The following MAP3K3 variants were observed in gnomAD, a reference collection of about 807,000 sequenced individuals.
The protein encoded by MAP3K3 is mitogen-activated protein kinase kinase kinase 3.
Under a neutral mutation model 80.9 loss-of-function variants are expected in MAP3K3, and 12 were observed. The ratio of observed to expected loss-of-function variants is 0.15; its 90% CI spans 0.10 to 0.24. The LOEUF is 0.24. Ranked by LOEUF, MAP3K3 falls within the 10% of genes least tolerant of loss-of-function variation. The pLI is 1.00. For missense variants in MAP3K3, 596 were observed against 834.7 expected, an observed-to-expected ratio of 0.71 and a Z score of 3.52; for synonymous variants, 272 against 307.1, an observed-to-expected ratio of 0.89 and a Z score of 1.19.
At chr17:63,629,777 CTT>C (rs766650976) in intron 1 of MAP3K3, among the ~76,000 whole-genome samples, 1 of 152,226 alleles carries the variant, frequency 6.6e-6, no homozygotes, top group East Asian at 1.9e-4. Context: ...CAGTGCCAAA[CTT>C]TTCCACTAGT....
intron 1 of MAP3K3, 137 bp from the exon 2 acceptor site, chr17:63,632,544 G>T: frequency 1.1e-6 from 1 of 898,662 alleles, no homozygotes; most frequent in Non-Finnish European, 1.7e-6. Flanking sequence ...TGACCTTTTG[G>T]GCTGCATCTG....
chr17:63,637,966 C>T (rs1238267601), intron 2 of MAP3K3, among the ~76,000 whole-genome samples: 5 of 152,260 alleles, frequency 3.3e-5, no homozygotes, highest in Non-Finnish European at 2.9e-5. Flanking sequence ...AAGAGAATTC[C>T]AGGATCTGTT....
chr17:63,693,436 C>T lies in MAP3K3; in HGVS notation c.1653-113C>T, dbSNP rs2035633369. ...CAAGCTGAGGTATCCCTCAGCTTGG[C>T]CTGTCCTGCACCTCAGCTTGCTGTG... On this transcript the variant is annotated intron_variant, in intron 15 of 15. Coordinates refer to ENST00000361733, the MANE Select transcript of MAP3K3 (RefSeq NM_002401.5). The surrounding 1 kb of genome is among the most constrained non-coding windows in gnomAD (Gnocchi z 4.2). The T allele has an allele frequency of 4.5e-6, 4 of 891,626 alleles. No homozygotes were observed. The South Asian group carries it at 6.6e-5, about 15-fold the overall frequency. 55.2% of individuals were successfully genotyped at this position (891,626 alleles called of 1,614,324 possible).
At chr17:63,641,037 C>T (rs2034431213) in intron 2 of MAP3K3, among the ~76,000 whole-genome samples, 1 of 152,148 alleles carries the variant, frequency 6.6e-6, no homozygotes, top group Non-Finnish European at 1.5e-5. Context: ...TTCTGAAACA[C>T]TTTTGGCCCC....
At chr17:63,680,230 A>G (rs746040426) in intron 6 of MAP3K3, among the ~76,000 whole-genome samples, 1 of 152,324 alleles carries the variant, frequency 6.6e-6, no homozygotes, top group African/African-American at 2.4e-5. Flanking sequence ...GAGGGATGGT[A>G]CTACTCTATT....
At chr17:63,633,759 G>T (rs1029223509) in intron 2 of MAP3K3, among the ~76,000 whole-genome samples, 2 of 152,310 alleles carry the variant, frequency 1.3e-5, no homozygotes, top group South Asian at 4.1e-4. Context: ...CCTACCTAGT[G>T]GGTATCCAGT....
At chr17:63,645,358 T>A in intron 2 of MAP3K3, among the ~76,000 whole-genome samples, 1 of 152,190 alleles carries the variant, frequency 6.6e-6, no homozygotes, top group East Asian at 1.9e-4. Context: ...GTTTACAGGC[T>A]ACTCATGATG....
chr17:63,632,905 C>T, intron 2 of MAP3K3, 103 bp downstream of exon 2: 2 of 1,425,010 alleles, frequency 1.4e-6, no homozygotes, highest in South Asian at 1.3e-5. Context: ...GGGTTGAATG[C>T]TTTTGACCCC....
At position 63,628,323 on chromosome 17, in the gene MAP3K3, G is replaced by A. The variant is rs139418552; in HGVS notation, c.5-4358G>A. Among the ~76,000 whole-genome samples, 687 of 149,558 alleles carry A rather than the reference G, an allele frequency of 4.6e-3. 3 individuals are homozygous for A. The highest frequency in any genetic ancestry group is 0.018 in the Middle Eastern group (5 of 284). On this transcript the variant is annotated intron_variant, in intron 1 of 15. Transcript: ENST00000361733. Reference sequence around the variant, plus strand: ...TAAAAATATTTATTTTTATACATTTGTATTTATATACTCTGGTTTATATAT... The same window carrying A: ...TAAAAATATTTATTTTTATACATTTATATTTATATACTCTGGTTTATATAT...
In MAP3K3 at chr17:63,691,280, G is replaced by A; in HGVS notation, c.1344+47G>A. On this transcript the variant is annotated intron_variant, in intron 13 of 15. Coordinates refer to ENST00000361733, the MANE Select transcript of MAP3K3 (RefSeq NM_002401.5). The surrounding 1 kb of genome is among the most constrained non-coding windows in gnomAD (Gnocchi z 4.8). ...GTGAGACACACACAAAAGAGGGCCT[G>A]ACCTGGGGGCTGGGGCCTGCAGGAG... The A allele has an allele frequency of 6.2e-7, 1 of 1,612,322 alleles. No homozygotes were observed. Among genetic ancestry groups the A allele is most frequent in the African/African-American group, 1.3e-5 (1 of 75,048 alleles).
At chr17:63,631,122 A>G (rs189614355) in intron 1 of MAP3K3, among the ~76,000 whole-genome samples, 1 of 152,234 alleles carries the variant, frequency 6.6e-6, no homozygotes, top group Admixed American at 6.5e-5. Context: ...CCCTCGCTCA[A>G]TAAAAAATAC....
rs371824483 is a variant in MAP3K3, at chr17:63,689,506, G to A, written c.872-38G>A. On this transcript the variant is annotated intron_variant, in intron 10 of 15. Transcript: ENST00000361733. The surrounding 1 kb of genome is among the most constrained non-coding windows in gnomAD (Gnocchi z 4.3). ...TGTACGTTCCGCCTCGTAGCCTGGG[G>A]TGTGACTTGCTCTCCTCTGGCCCTT... The A allele has an allele frequency of 3.2e-6, 5 of 1,577,772 alleles. No homozygotes were observed. Among genetic ancestry groups the A allele is most frequent in the Non-Finnish European group, 4.3e-6 (5 of 1,156,284 alleles).
intron 2 of MAP3K3, chr17:63,634,846 T>C: frequency 6.7e-7 from 1 of 1,484,312 alleles, no homozygotes; most frequent in Non-Finnish European, 9.4e-7. Flanking sequence ...TACTTTTAAA[T>C]CTGCTACTCA....
rs759095415 is a variant in MAP3K3, at chr17:63,688,582, C to G, written c.766C>G (p.Gln256Glu). The G allele has an allele frequency of 5.0e-6, 8 of 1,614,048 alleles. No individual in the cohort carries two copies. In the South Asian group the frequency reaches 8.8e-5, roughly 18 times the overall value. Residue 256 changes from glutamine (Q) to glutamate (E), a missense_variant, in exon 9 of 16, where the codon CAG becomes GAG. By Grantham distance (29) the Gln-to-Glu change is conservative (BLOSUM62 2). This residue lies in a region of MAP3K3 where 364 missense variants were observed against 588.9 expected (regional missense o/e 0.62). Coordinates refer to ENST00000361733, the MANE Select transcript of MAP3K3 (RefSeq NM_002401.5). The stretch of plus-strand genomic sequence containing the variant: ...TGCCCAGAGCTTCCCTGACAACAGA[C>G]AGGAATACTCAGGTGAGTTCCACAG... ...SRAQSFPDNR[Q>E]EYSDRETQLY...
intron 5 of MAP3K3, among the ~76,000 whole-genome samples, chr17:63,666,379 G>A (rs2035000444): frequency 6.6e-6 from 1 of 152,140 alleles, no homozygotes; most frequent in African/African-American, 2.4e-5. Context: ...TGTACCTATA[G>A]TCTCAGCTAA....
intron 5 of MAP3K3, 67 bp from the exon 6 acceptor site, chr17:63,666,873 G>C (rs1259388321): frequency 1.3e-6 from 2 of 1,587,692 alleles, no homozygotes; most frequent in African/African-American, 2.7e-5. Context: ...TAGGAAAAGG[G>C]TGAGAAGACC....
At chr17:63,622,873 C>T (rs887772512) in intron 1 of MAP3K3, 110 bp downstream of exon 1, 1 of 218,492 alleles carries the variant, frequency 4.6e-6, no homozygotes, top group Non-Finnish European at 1.0e-5. Flanking sequence ...GACAGCCCGC[C>T]CGGCCCGGGG....
rs144796639 is a variant in MAP3K3 at position 63,692,322 on chromosome 17, A to G, written c.1555A>G (p.Met519Val). Residue 519 changes from methionine (M) to valine (V), a missense_variant, in exon 15 of 16, where the codon ATG (methionine) becomes GTG (valine). Met to Val is a conservative substitution (Grantham distance 21). Around this residue, in one of 2 missense-constraint regions of MAP3K3, gnomAD observed 364 missense variants for 588.9 expected, o/e 0.62. Transcript: ENST00000361733. The surrounding 1 kb of genome is among the most constrained non-coding windows in gnomAD (Gnocchi z 4.5). ...GASKRLQTIC[M>V]SGTGMRSVTG... ...CAGCAAACGCCTGCAGACGATCTGTATGTCGGGGACGGGCATGCGCTCCGT... is the reference window on the plus strand; with the variant it reads ...CAGCAAACGCCTGCAGACGATCTGTGTGTCGGGGACGGGCATGCGCTCCGT... The G allele has an allele frequency of 7.4e-6, 12 of 1,613,888 alleles. No homozygotes were observed. The highest frequency in any genetic ancestry group is 1.6e-4 in the Middle Eastern group (1 of 6,062).
chr17:63,624,271 C>T (rs2034055416), intron 1 of MAP3K3, among the ~76,000 whole-genome samples: 1 of 152,120 alleles, frequency 6.6e-6, no homozygotes, highest in Non-Finnish European at 1.5e-5. Flanking sequence ...AATAAATCTT[C>T]GAATTGATTT....
Sources: gnomAD v4.1 joint callset for allele counts (sites outside exome capture counted in the v4.1 genomes callset) on GRCh38, gnomAD v4.1.1 for gene constraint, gnomAD v4.1.1 regional missense constraint, Gnocchi (gnomAD v3.1) non-coding constraint, MANE v1.5 for transcripts, NCBI Gene and HGNC (gene_info 2026-07-23, HGNC 2026-07-21) for gene names.